SLC20A2: variants seen among roughly 807,000 people sequenced by gnomAD.
SLC20A2 encodes solute carrier family 20 member 2.
SLC20A2 carries 30 observed loss-of-function variants against 61.0 expected under a neutral mutation model. That is an observed-to-expected ratio of 0.49 (90% CI 0.37 to 0.67). SLC20A2 has a LOEUF of 0.67. SLC20A2 is among the 30% of genes least tolerant of loss of function. The probability of loss-of-function intolerance (pLI) is 0.00; values close to 1 mark genes in which losing one functional copy is unlikely to be tolerated. For synonymous variants in SLC20A2, 351 were observed against 353.3 expected, an observed-to-expected ratio of 0.99 and a Z score of 0.07; for missense variants, 626 against 866.4, an observed-to-expected ratio of 0.72 and a Z score of 3.48.
At chr8:42,465,584 A>G (rs1807090288) in intron 3 of SLC20A2, among the ~76,000 whole-genome samples, 193 bp downstream of exon 3, 1 of 151,412 alleles carries the variant, frequency 6.6e-6, no homozygotes. Flanking sequence ...CCAGGTACTC[A>G]GGAGGTTGAG....
chr8:42,441,090 T>C (rs1804741906), intron 6 of SLC20A2, among the ~76,000 whole-genome samples: 1 of 151,726 alleles, frequency 6.6e-6, no homozygotes, highest in South Asian at 2.1e-4. Context: ...TGAGCCACCG[T>C]GTCTGGCCCC....
intron 1 of SLC20A2, among the ~76,000 whole-genome samples, chr8:42,481,569 C>A (rs1179505072): frequency 6.6e-6 from 1 of 152,068 alleles, no homozygotes. Flanking sequence ...CGGGCTCTCA[C>A]CCTTCAAAAT....
chr8:42,448,345 C>T lies in SLC20A2; in HGVS notation c.614-3583G>A, dbSNP rs933282024. Among the ~76,000 whole-genome samples the T allele has an allele frequency of 3.3e-5, 5 of 152,108 alleles. No homozygotes were observed. The South Asian group carries it at 1.0e-3, about 32-fold the overall frequency. On this transcript the variant is annotated intron_variant, in intron 5 of 10. Coordinates refer to ENST00000520262, the MANE Select transcript of SLC20A2 (RefSeq NM_001257180.2). ...GATACATATTTTAAAAATGAGTGAA[C>T]GCTTTTGCTATCAGGCCCTATTTTT...
rs775204334 is a variant in SLC20A2 at position 42,437,358 on chromosome 8, CTG to C, written c.1152_1153del (p.Asn384LysfsTer30). The C allele has an allele frequency of 2.5e-6, 4 of 1,614,066 alleles. No individual in the cohort carries two copies. Among genetic ancestry groups the C allele is most frequent in the Admixed American group, 1.7e-5 (1 of 60,002 alleles). Reference sequence around the variant, plus strand: ...AATGGCTGCGGTGTAGCAGGTGTAACTGTTGTTTCGGCGCAGCAGCCGGTAGT... The same window carrying C: ...AATGGCTGCGGTGTAGCAGGTGTAACTTGTTTCGGCGCAGCAGCCGGTAGT... On this transcript the variant is annotated frameshift_variant, in exon 8 of 11. Coordinates refer to ENST00000520262, the MANE Select transcript of SLC20A2 (RefSeq NM_001257180.2). LOFTEE classifies it high-confidence loss of function. The surrounding 1 kb of genome is among the most constrained non-coding windows in gnomAD (Gnocchi z 6.4).
intron 10 of SLC20A2, among the ~76,000 whole-genome samples, chr8:42,422,662 A>G (rs1252726900): frequency 6.6e-6 from 1 of 151,936 alleles, no homozygotes; most frequent in Non-Finnish European, 1.5e-5. Context: ...AGGTGGGAAC[A>G]ATTATTTTTG....
intron 5 of SLC20A2, among the ~76,000 whole-genome samples, chr8:42,456,726 T>C (rs1475696939): frequency 7.2e-6 from 1 of 139,390 alleles, no homozygotes; most frequent in Non-Finnish European, 1.5e-5. Context: ...TACGAGACTC[T>C]GTCTCAAAAA....
chr8:42,464,337 G>C (rs2131184143), intron 3 of SLC20A2, among the ~76,000 whole-genome samples: 1 of 148,402 alleles, frequency 6.7e-6, no homozygotes, highest in African/African-American at 2.5e-5. Context: ...GCTCAGGCTG[G>C]TCTTGAACTC....
At chr8:42,442,420 T>C (rs1241656041) in intron 6 of SLC20A2, among the ~76,000 whole-genome samples, 1 of 152,250 alleles carries the variant, frequency 6.6e-6, no homozygotes, top group Non-Finnish European at 1.5e-5. Flanking sequence ...GTTCTTATTT[T>C]GGCATATGGA....
intron 1 of SLC20A2, among the ~76,000 whole-genome samples, chr8:42,487,944 A>G (rs1471048180): frequency 6.6e-6 from 1 of 152,156 alleles, no homozygotes; most frequent in Non-Finnish European, 1.5e-5. Flanking sequence ...TTCTACCCTT[A>G]GTCTCTATGA....
At chr8:42,488,935 GTTTTTTT>G (rs34643152) in intron 1 of SLC20A2, among the ~76,000 whole-genome samples, 10 of 83,524 alleles carry the variant, frequency 1.2e-4, no homozygotes, top group Middle Eastern at 9.4e-3. Flanking sequence ...TAGGAGTTTT[GTTTTTTT>G]TTTTTTTTTT....
rs1402696409 is a variant in SLC20A2 at position 42,477,660 on chromosome 8, A to G, written c.-264-5006T>C. On this transcript the variant is annotated intron_variant, in intron 1 of 10. Coordinates refer to ENST00000520262, the MANE Select transcript of SLC20A2 (RefSeq NM_001257180.2). ...TAATTTTTGTATTTTTAGTAGAGAC[A>G]GGGCTTATCACCATGTTGGCCAGGC... is the stretch of plus-strand genomic sequence containing the variant. Among the ~76,000 whole-genome samples, 5 of 151,518 alleles carry G rather than the reference A, an allele frequency of 3.3e-5. No individual in the cohort carries two copies. In the East Asian group the frequency reaches 9.7e-4, roughly 29 times the overall value.
At chr8:42,535,655 T>G (rs1022518291) in intron 1 of SLC20A2, among the ~76,000 whole-genome samples, 1 of 152,202 alleles carries the variant, frequency 6.6e-6, no homozygotes, top group Non-Finnish European at 1.5e-5. Flanking sequence ...GACTAAATCT[T>G]GGTACCACTG....
At chr8:42,531,637 G>A (rs771091865) in intron 1 of SLC20A2, among the ~76,000 whole-genome samples, 3 of 151,982 alleles carry the variant, frequency 2.0e-5, no homozygotes, top group African/African-American at 4.8e-5. Flanking sequence ...ACAACTACAG[G>A]GTCCAGAGGG....
Position 42,430,254 on chromosome 8 carries a change from GAAAAAT to G in SLC20A2, c.1524-11_1524-6del. The G allele has an allele frequency of 1.2e-6, 2 of 1,603,680 alleles. No homozygotes were observed. Among genetic ancestry groups the G allele is most frequent in the Non-Finnish European group, 1.7e-6 (2 of 1,176,332 alleles). On this transcript the variant is annotated splice_region_variant and splice_polypyrimidine_tract_variant and intron_variant, in intron 8 of 10. Transcript: ENST00000520262. ...ACCAGGGGACCGATGGCATTACTGGGAAAAATAAAAAGAGAAAAGATTAACTATATA... is the reference window on the plus strand; with the variant it reads ...ACCAGGGGACCGATGGCATTACTGGGAAAAAGAGAAAAGATTAACTATATA...
At chr8:42,494,071 G>C (rs1809733343) in intron 1 of SLC20A2, among the ~76,000 whole-genome samples, 1 of 152,176 alleles carries the variant, frequency 6.6e-6, no homozygotes. Context: ...CAAGCTGGGG[G>C]AGTCAAGGTT....
At chr8:42,504,371 A>G (rs138277387), upstream of SLC20A2, among the ~76,000 whole-genome samples, 264 of 152,320 alleles carry the variant, frequency 1.7e-3, 1 homozygote, top group Middle Eastern at 0.017. Flanking sequence ...AAGAGCCAGG[A>G]GACTAGACTA....
intron 5 of SLC20A2, among the ~76,000 whole-genome samples, chr8:42,459,657 C>G (rs1414876936): frequency 6.6e-6 from 1 of 152,140 alleles, no homozygotes; most frequent in South Asian, 2.1e-4. Flanking sequence ...TGCCTTTGTA[C>G]TCTACATATC....
chr8:42,510,601 G>A (rs1810973328), intron 1 of SLC20A2, among the ~76,000 whole-genome samples: 1 of 152,116 alleles, frequency 6.6e-6, no homozygotes, highest in African/African-American at 2.4e-5. Flanking sequence ...CTTTAGGTAA[G>A]GATTACCCTA....
At chr8:42,430,381 G>T in intron 8 of SLC20A2, 132 bp from the exon 9 acceptor site, 1 of 805,560 alleles carries the variant, frequency 1.2e-6, no homozygotes, top group Non-Finnish European at 1.9e-6. Flanking sequence ...CTTTTTTTTT[G>T]AGACAGAGTC....
Sources: gnomAD v4.1 joint callset for allele counts (sites outside exome capture counted in the v4.1 genomes callset) on GRCh38, gnomAD v4.1.1 for gene constraint, Gnocchi (gnomAD v3.1) non-coding constraint, MANE v1.5 for transcripts, NCBI Gene and HGNC (gene_info 2026-07-23, HGNC 2026-07-21) for gene names.